BTRC: variants seen among roughly 807,000 people sequenced by gnomAD.
BTRC encodes beta-transducin repeat containing E3 ubiquitin protein ligase.
A neutral mutation model predicts 85.5 loss-of-function variants in BTRC; 42 were observed. That is an observed-to-expected ratio of 0.49 (90% confidence interval 0.38 to 0.64). BTRC has a LOEUF of 0.64. BTRC is among the 30% of genes least tolerant of loss of function. The pLI, the probability that BTRC is intolerant of heterozygous loss-of-function variation, is 0.00. For synonymous variants in BTRC, 255 were observed against 263.3 expected (o/e 0.97, Z 0.30); for missense variants, 594 against 743.5 (o/e 0.80, Z 2.34).
intron 1 of BTRC, among the ~76,000 whole-genome samples, chr10:101,380,375 C>CT (rs879315805): frequency 5.9e-4 from 86 of 145,158 alleles, no homozygotes; most frequent in African/African-American, 1.2e-3. Flanking sequence ...TTAACAACCT[C>CT]TTTTTTTTTT....
At chr10:101,500,940 T>C (rs960229521) in intron 4 of BTRC, among the ~76,000 whole-genome samples, 7 of 152,200 alleles carry the variant, frequency 4.6e-5, no homozygotes, top group African/African-American at 1.7e-4. Context: ...AAGTCTGTAA[T>C]CCCAGCACTT....
chr10:101,381,644 T>A (rs1019487724), intron 1 of BTRC, among the ~76,000 whole-genome samples: 2 of 152,210 alleles, frequency 1.3e-5, no homozygotes, highest in Non-Finnish European at 2.9e-5. Flanking sequence ...GAGGTGTTGA[T>A]GGTGTCATTC....
At chr10:101,548,197 A>G (rs1233727038) in intron 13 of BTRC, among the ~76,000 whole-genome samples, 1 of 152,200 alleles carries the variant, frequency 6.6e-6, no homozygotes, top group East Asian at 1.9e-4. Flanking sequence ...CTAAAGCCAA[A>G]CATACACCTA....
intron 4 of BTRC, among the ~76,000 whole-genome samples, chr10:101,516,545 A>T (rs903267542): frequency 6.6e-6 from 1 of 152,212 alleles, no homozygotes; most frequent in South Asian, 2.1e-4. Context: ...ACTAAAATGT[A>T]TACCAGCTAG....
intron 4 of BTRC, among the ~76,000 whole-genome samples, chr10:101,489,384 T>C (rs879633668): frequency 6.6e-6 from 1 of 152,174 alleles, no homozygotes; most frequent in African/African-American, 2.4e-5. Context: ...CATTCCTTAA[T>C]CTGAAAGAGA....
intron 1 of BTRC, among the ~76,000 whole-genome samples, chr10:101,354,825 A>G (rs982495768): frequency 1.3e-5 from 2 of 152,144 alleles, no homozygotes; most frequent in Non-Finnish European, 2.9e-5. Flanking sequence ...AGCTTGGCCA[A>G]ACTACTGTTG....
chr10:101,369,575 A>C (rs1942574801), intron 1 of BTRC, among the ~76,000 whole-genome samples: 1 of 152,128 alleles, frequency 6.6e-6, no homozygotes, highest in Non-Finnish European at 1.5e-5. Flanking sequence ...CTCTTTTAGA[A>C]GTTTCTTTTA....
At chr10:101,469,033 G>A (rs775111439) in intron 3 of BTRC, among the ~76,000 whole-genome samples, 5 of 152,134 alleles carry the variant, frequency 3.3e-5, no homozygotes, top group Non-Finnish European at 5.9e-5. Flanking sequence ...TTTCAGCAAG[G>A]CATCTTACTA....
intron 1 of BTRC, among the ~76,000 whole-genome samples, chr10:101,423,766 T>A (rs1294107648): frequency 1.3e-5 from 2 of 152,194 alleles, no homozygotes; most frequent in Non-Finnish European, 2.9e-5. Context: ...GACAGTTTAT[T>A]CCCGGTAAAC....
intron 1 of BTRC, among the ~76,000 whole-genome samples, chr10:101,380,439 A>G (rs1336264612): frequency 6.6e-6 from 1 of 152,094 alleles, no homozygotes; most frequent in African/African-American, 2.4e-5. Context: ...GAGGGCAGAA[A>G]GATCACACAC....
chr10:101,372,224 C>T (rs1942655764), intron 1 of BTRC, among the ~76,000 whole-genome samples: 1 of 151,398 alleles, frequency 6.6e-6, no homozygotes, highest in South Asian at 2.1e-4. Context: ...ATTGCATTGG[C>T]TATCTTGGCC....
chr10:101,357,749 T>C (rs1942083704), intron 1 of BTRC, among the ~76,000 whole-genome samples: 1 of 152,232 alleles, frequency 6.6e-6, no homozygotes, highest in African/African-American at 2.4e-5. Flanking sequence ...ATCCTGTTAA[T>C]AAGACTGCTG....
chr10:101,439,861 G>A (rs1198737516), intron 2 of BTRC, among the ~76,000 whole-genome samples: 3 of 152,204 alleles, frequency 2.0e-5, no homozygotes, highest in Non-Finnish European at 4.4e-5. Context: ...TGGGAAGGTG[G>A]TATTGGGTAA....
intron 4 of BTRC, among the ~76,000 whole-genome samples, chr10:101,505,151 G>GTATATATA (rs1363005355): frequency 1.0e-5 from 1 of 95,356 alleles, no homozygotes; most frequent in African/African-American, 3.6e-5. Flanking sequence ...ATATATATAT[G>GTATATATA]TATATGTATA....
At chr10:101,507,066 G>T (rs1455488742) in intron 4 of BTRC, among the ~76,000 whole-genome samples, 1 of 152,150 alleles carries the variant, frequency 6.6e-6, no homozygotes, top group African/African-American at 2.4e-5. Context: ...CATTTTAAAA[G>T]ATTTTATACA....
chr10:101,375,167 G>T (rs999741558), intron 1 of BTRC, among the ~76,000 whole-genome samples: 6 of 152,168 alleles, frequency 3.9e-5, no homozygotes, highest in Non-Finnish European at 8.8e-5. Flanking sequence ...CCTGGTAGGA[G>T]GTGTTTGGAT....
intron 1 of BTRC, among the ~76,000 whole-genome samples, chr10:101,411,760 T>A (rs1246061740): frequency 2.0e-5 from 3 of 147,436 alleles, no homozygotes; most frequent in Non-Finnish European, 4.6e-5. Context: ...CTCCTAGTTA[T>A]GAATCATATT....
chr10:101,462,833 A>G (rs1945264934), intron 3 of BTRC, among the ~76,000 whole-genome samples: 1 of 152,074 alleles, frequency 6.6e-6, no homozygotes, highest in African/African-American at 2.4e-5. Flanking sequence ...CCAGAGAATA[A>G]GTGTGCCACC....
At chr10:101,387,783 A>G (rs530281129) in intron 1 of BTRC, among the ~76,000 whole-genome samples, 6 of 151,116 alleles carry the variant, frequency 4.0e-5, no homozygotes, top group African/African-American at 1.5e-4. Context: ...TCTGCCTCCC[A>G]GGTTCAAGCG....
Sources: allele counts gnomAD v4.1 joint callset (sites outside exome capture counted in the v4.1 genomes callset), GRCh38; gene constraint gnomAD v4.1.1; transcripts MANE v1.5; gene names NCBI Gene and HGNC (gene_info 2026-07-23, HGNC 2026-07-21).